ZNF804A: variants seen among roughly 807,000 people sequenced by gnomAD.
The protein encoded by ZNF804A is zinc finger protein 804A.
Under a neutral mutation model 16.5 loss-of-function variants are expected in ZNF804A, and 2 were observed. That is an observed-to-expected ratio of 0.12 (90% CI 0.05 to 0.38). ZNF804A has a LOEUF of 0.38. Among genes scored for constraint, ZNF804A ranks in the 10% least tolerant of loss-of-function variants. ZNF804A has a pLI of 0.99. For synonymous variants in ZNF804A, 534 were observed against 489.6 expected (o/e 1.09, Z -1.20); for missense variants, 1,473 against 1,390.7 (o/e 1.06, Z -0.94).
intron 1 of ZNF804A, among the ~76,000 whole-genome samples, chr2:184,669,322 G>GTGTA (rs934743190): frequency 2.0e-5 from 3 of 152,016 alleles, no homozygotes; most frequent in African/African-American, 7.2e-5. Context: ...TTCTTATATA[G>GTGTA]TGTATAATTA....
intron 1 of ZNF804A, among the ~76,000 whole-genome samples, chr2:184,669,076 A>T (rs1004703644): frequency 1.3e-5 from 2 of 151,980 alleles, no homozygotes; most frequent in Admixed American, 6.6e-5. Context: ...GCAGAAAATG[A>T]ATGTAACAAC....
intron 1 of ZNF804A, among the ~76,000 whole-genome samples, chr2:184,851,691 G>T (rs948766219): frequency 6.6e-6 from 1 of 151,674 alleles, no homozygotes; most frequent in African/African-American, 2.4e-5. Context: ...CATTTCTTTT[G>T]GATATATTCC....
chr2:184,677,681 A>T (rs1421263356), intron 1 of ZNF804A, among the ~76,000 whole-genome samples: 1 of 152,062 alleles, frequency 6.6e-6, no homozygotes, highest in Non-Finnish European at 1.5e-5. Context: ...TTTAAGAACA[A>T]AATCACTGCT....
At chr2:184,899,717 A>AT (rs981160537) in intron 2 of ZNF804A, among the ~76,000 whole-genome samples, 1 of 151,900 alleles carries the variant, frequency 6.6e-6, no homozygotes, top group South Asian at 2.1e-4. Context: ...TATACTTATT[A>AT]TTTTTTATTT....
At chr2:184,808,164 A>C (rs1442553857) in intron 1 of ZNF804A, among the ~76,000 whole-genome samples, 1 of 151,622 alleles carries the variant, frequency 6.6e-6, no homozygotes, top group East Asian at 1.9e-4. Context: ...CATTACAGAA[A>C]GATTAATAAT....
In ZNF804A at chr2:184,937,018, A is replaced by T. The variant is rs764619169; in HGVS notation, c.1622A>T (p.Asn541Ile). 4 of 1,613,342 alleles carry T rather than the reference A, an allele frequency of 2.5e-6. No homozygotes were observed. Among genetic ancestry groups the T allele is most frequent in the Non-Finnish European group, 3.4e-6 (4 of 1,179,808 alleles). The change falls in exon 4 of 4, where the codon AAT (asparagine) becomes ATT (isoleucine). Residue 541 changes from asparagine to isoleucine, a missense_variant. Transcript: ENST00000302277. ...ILSSSCDSGK[N>I]ENTGQRYKNI... ...TCCAGTAGTTGTGATTCTGGAAAAAATGAGAACACAGGTCAGAGGTATAAA... is the reference window on the plus strand; with the variant it reads ...TCCAGTAGTTGTGATTCTGGAAAAATTGAGAACACAGGTCAGAGGTATAAA...
In ZNF804A at chr2:184,938,597, T is replaced by C. The variant is rs753498787; in HGVS notation, c.3201T>C (p.Phe1067=). The part of the protein sequence containing the change: ...QPNMLANKVK[F]TFPPAALPPP... ...ACATGCTGGCCAACAAGGTTAAATT[T>C]ACCTTTCCTCCAGCTGCCCTCCCAC... Residue 1067 remains phenylalanine, a synonymous_variant, in exon 4 of 4, where the codon TTT becomes TTC. Coordinates refer to ENST00000302277, the MANE Select transcript of ZNF804A (RefSeq NM_194250.2). 1 of 1,614,050 alleles carries C rather than the reference T, an allele frequency of 6.2e-7. No homozygotes were observed. The highest frequency in any genetic ancestry group is 8.5e-7 in the Non-Finnish European group (1 of 1,179,980).
chr2:184,902,640 T>C (rs1685204924), intron 2 of ZNF804A: 1 of 152,172 alleles, frequency 6.6e-6, no homozygotes, highest in Admixed American at 6.6e-5. Flanking sequence ...CTTAGAGTGC[T>C]CTTAATGACA....
chr2:184,662,648 T>C (rs770809337), intron 1 of ZNF804A, among the ~76,000 whole-genome samples: 11 of 152,340 alleles, frequency 7.2e-5, no homozygotes, highest in Non-Finnish European at 1.3e-4. Flanking sequence ...TTGAAATTCA[T>C]ACCAAAATAA....
chr2:184,885,126 A>C lies in ZNF804A; in HGVS notation c.255+18614A>C, dbSNP rs182042424. ...ACATCACTAATCATTAGACAAATGC[A>C]AATGAAAACCACAGTGAGATACAAT... On this transcript the variant is annotated intron_variant, in intron 2 of 3. Transcript: ENST00000302277. 1.8e-4 allele frequency among the ~76,000 whole-genome samples: 27 copies of C among 152,350 alleles called. No individual in the cohort carries two copies. In the East Asian group the frequency reaches 4.6e-3, roughly 26 times the overall value.
At chr2:184,824,451 G>C (rs1197235658) in intron 1 of ZNF804A, among the ~76,000 whole-genome samples, 1 of 151,574 alleles carries the variant, frequency 6.6e-6, no homozygotes, top group Non-Finnish European at 1.5e-5. Flanking sequence ...AGAAAACATG[G>C]AAGCATATTC....
chr2:184,721,624 A>G (rs1360982356), intron 1 of ZNF804A, among the ~76,000 whole-genome samples: 1 of 152,116 alleles, frequency 6.6e-6, no homozygotes, highest in Non-Finnish European at 1.5e-5. Flanking sequence ...GAACTCCTAT[A>G]CACTGTTGGT....
intron 1 of ZNF804A, among the ~76,000 whole-genome samples, chr2:184,660,012 G>A (rs1383550955): frequency 6.6e-6 from 1 of 152,198 alleles, no homozygotes; most frequent in Non-Finnish European, 1.5e-5. Context: ...TCCGAAGGCT[G>A]AAGCAGAAGG....
intron 1 of ZNF804A, among the ~76,000 whole-genome samples, chr2:184,688,526 C>G (rs868409006): frequency 6.6e-6 from 1 of 152,000 alleles, no homozygotes; most frequent in Non-Finnish European, 1.5e-5. Context: ...AACACTTAAA[C>G]TGAGAGATAG....
intron 1 of ZNF804A, among the ~76,000 whole-genome samples, chr2:184,672,887 A>G (rs1004464285): frequency 1.3e-5 from 2 of 152,050 alleles, no homozygotes; most frequent in Admixed American, 6.6e-5. Flanking sequence ...GACTACAGGC[A>G]TCCGCCACCA....
At chr2:184,857,361 T>C (rs1314636490) in intron 1 of ZNF804A, among the ~76,000 whole-genome samples, 1 of 152,136 alleles carries the variant, frequency 6.6e-6, no homozygotes, top group Non-Finnish European at 1.5e-5. Context: ...ATTTTAATTT[T>C]CTTAAATTTA....
Position 184,937,858 on chromosome 2 carries a change from C to G in ZNF804A, c.2462C>G (p.Pro821Arg). ...AGGCGAAAAAGAGGCAGATTCCACCCCGGATTTGAAACTTTAGAACTCAAA... is the reference window on the plus strand; with the variant it reads ...AGGCGAAAAAGAGGCAGATTCCACCGCGGATTTGAAACTTTAGAACTCAAA... ...KRRRKRGRFHPGFETLELKEN... is the reference protein window; with the variant it reads ...KRRRKRGRFHRGFETLELKEN... Residue 821 changes from proline to arginine, a missense_variant, in exon 4 of 4, where the codon CCC becomes CGC. Pro to Arg is a moderately radical substitution (Grantham distance 103). Transcript: ENST00000302277. 6.2e-7 allele frequency: 1 copy of G among 1,614,062 alleles called. No homozygotes were observed. The highest frequency in any genetic ancestry group is 1.6e-4 in the Middle Eastern group (1 of 6,062).
intron 1 of ZNF804A, among the ~76,000 whole-genome samples, chr2:184,851,723 A>G (rs1236680308): frequency 2.6e-5 from 4 of 151,940 alleles, no homozygotes; most frequent in Non-Finnish European, 5.9e-5. Flanking sequence ...TTGCTGGATC[A>G]TATGGTAGTT....
intron 2 of ZNF804A, among the ~76,000 whole-genome samples, chr2:184,896,916 CTT>C (rs749602389): frequency 1.3e-5 from 2 of 151,950 alleles, no homozygotes; most frequent in Non-Finnish European, 2.9e-5. Flanking sequence ...TACATTTTAT[CTT>C]AAGTTTATAT....
Sources: allele counts gnomAD v4.1 joint callset (sites outside exome capture counted in the v4.1 genomes callset), GRCh38; gene constraint gnomAD v4.1.1; transcripts MANE v1.5; gene names NCBI Gene and HGNC (gene_info 2026-07-23, HGNC 2026-07-21).